INSR: variants seen among roughly 807,000 people sequenced by gnomAD.
INSR encodes IR.
In INSR, 67 loss-of-function variants were observed where a neutral mutation model predicts 142.6. The ratio of observed to expected loss-of-function variants is 0.47; its 90% CI spans 0.39 to 0.58. The LOEUF (loss-of-function observed/expected upper bound fraction) is 0.58, where lower values mean the gene tolerates loss of function less well. Among genes scored for constraint, INSR ranks in the 20% least tolerant of loss-of-function variants. INSR has a pLI of 0.00. For synonymous variants in INSR, 756 were observed against 743.1 expected (o/e 1.02, Z -0.28); for missense variants, 1,248 against 1,833.2 (o/e 0.68, Z 5.83).
intron 2 of INSR, among the ~76,000 whole-genome samples, chr19:7,226,351 A>T (rs1267702960): frequency 7.1e-6 from 1 of 141,190 alleles, no homozygotes; most frequent in Non-Finnish European, 1.5e-5. Context: ...TGGAGGTTGC[A>T]GTGAGCCAAG....
intron 7 of INSR, among the ~76,000 whole-genome samples, chr19:7,167,045 T>G (rs1973904948): frequency 6.6e-6 from 1 of 152,218 alleles, no homozygotes; most frequent in Non-Finnish European, 1.5e-5. Context: ...GTTCAGCATC[T>G]CTAATCTAAA....
At chr19:7,220,329 C>T (rs112602120) in intron 2 of INSR, among the ~76,000 whole-genome samples, 2,810 of 152,248 alleles carry the variant, frequency 0.018, 84 homozygotes, top group African/African-American at 0.064. Context: ...CTCGCTCTGT[C>T]GCCCAGCCTG....
At chr19:7,223,383 T>A (rs990049204) in intron 2 of INSR, among the ~76,000 whole-genome samples, 26 of 152,310 alleles carry the variant, frequency 1.7e-4, no homozygotes, top group Middle Eastern at 3.4e-3. Flanking sequence ...AGAAATGAGT[T>A]AAAGAAAATT....
chr19:7,132,070 C>G (rs2860175), intron 14 of INSR, 88 bp downstream of exon 14: 3 of 1,525,044 alleles, frequency 2.0e-6, no homozygotes, highest in Non-Finnish European at 2.7e-6. Flanking sequence ...CCAGCACCTG[C>G]GGCCTCTCCA....
chr19:7,149,310 C>G (rs560158116), intron 11 of INSR, among the ~76,000 whole-genome samples: 1 of 152,118 alleles, frequency 6.6e-6, no homozygotes, highest in Non-Finnish European at 1.5e-5. Flanking sequence ...GAGGGCAGAT[C>G]AGGCCACACA....
chr19:7,223,148 A>T (rs924150915), intron 2 of INSR, among the ~76,000 whole-genome samples: 3 of 152,144 alleles, frequency 2.0e-5, no homozygotes, highest in Admixed American at 6.6e-5. Context: ...GCGCCACTGC[A>T]CTCCAGCGTG....
intron 3 of INSR, among the ~76,000 whole-genome samples, chr19:7,175,577 G>A (rs1369655924): frequency 1.3e-5 from 2 of 152,168 alleles, no homozygotes; most frequent in South Asian, 2.1e-4. Context: ...GCTCACGCCT[G>A]TAATCCCAGC....
At chr19:7,189,564 G>A (rs1257181235) in intron 2 of INSR, among the ~76,000 whole-genome samples, 2 of 152,192 alleles carry the variant, frequency 1.3e-5, no homozygotes, top group African/African-American at 4.8e-5. Context: ...GAAGAGGCAT[G>A]GCTAGGTCCA....
intron 11 of INSR, among the ~76,000 whole-genome samples, chr19:7,146,617 C>T (rs956351635): frequency 2.6e-5 from 4 of 152,082 alleles, no homozygotes; most frequent in African/African-American, 4.8e-5. Context: ...GATTTCTGTG[C>T]CCTAAAATAG....
In INSR at chr19:7,282,962, G is replaced by A. The variant is rs1049233283; in HGVS notation, c.100+10830C>T. On this transcript the variant is annotated intron_variant, in intron 1 of 21. Coordinates refer to ENST00000302850, the MANE Select transcript of INSR (RefSeq NM_000208.4). Reference sequence around the variant, plus strand: ...CACTCCAGCCTGGGCGACAGAGTGAGACTCCGCCTCAAAAAAAGTAATAAT... The same window carrying A: ...CACTCCAGCCTGGGCGACAGAGTGAAACTCCGCCTCAAAAAAAGTAATAAT... Among the ~76,000 whole-genome samples, 16 of 141,086 alleles carry A rather than the reference G, an allele frequency of 1.1e-4. No homozygotes were observed. In the East Asian group the frequency reaches 3.3e-3, roughly 29 times the overall value. 92.6% of individuals were successfully genotyped at this position (141,086 alleles called of 152,430 possible).
At chr19:7,170,122 C>T (rs1568461640) in intron 6 of INSR, among the ~76,000 whole-genome samples, 1 of 152,134 alleles carries the variant, frequency 6.6e-6, no homozygotes, top group African/African-American at 2.4e-5. Flanking sequence ...TTTACAGTCA[C>T]TCCCCATCGC....
chr19:7,194,824 A>G (rs1974702456), intron 2 of INSR, among the ~76,000 whole-genome samples: 1 of 151,362 alleles, frequency 6.6e-6, no homozygotes, highest in African/African-American at 2.4e-5. Context: ...TTGCTCTTTT[A>G]TGGACTATTC....
intron 2 of INSR, among the ~76,000 whole-genome samples, chr19:7,263,134 C>T (rs1350780654): frequency 9.9e-5 from 15 of 151,942 alleles, no homozygotes; most frequent in Admixed American, 2.6e-4. Flanking sequence ...AAAACTTAGC[C>T]GGGCATGGTG....
chr19:7,227,375 C>T (rs899421800), intron 2 of INSR, among the ~76,000 whole-genome samples: 6 of 151,864 alleles, frequency 4.0e-5, no homozygotes, highest in African/African-American at 1.2e-4. Context: ...TGAGCTCAAG[C>T]AATCCTCTCA....
chr19:7,214,478 C>T (rs1163171598), intron 2 of INSR, among the ~76,000 whole-genome samples: 1 of 152,196 alleles, frequency 6.6e-6, no homozygotes, highest in Non-Finnish European at 1.5e-5. Context: ...TCTCTCTAAC[C>T]TGGCCTGAGG....
At position 7,119,774 on chromosome 19, in the gene INSR, ATGCG is replaced by A. The variant is rs1471882103; in HGVS notation, c.3660-195_3660-192del. Among the ~76,000 whole-genome samples the A allele has an allele frequency of 2.0e-5, 3 of 151,422 alleles. No homozygotes were observed. The highest frequency in any genetic ancestry group is 2.1e-4 in the South Asian group (1 of 4,790). ...CACATGCAAATACACACAAACACGC[ATGCG>A]CACACATGCACACACAAATATGCAA... On this transcript the variant is annotated intron_variant, in intron 20 of 21. Coordinates refer to ENST00000302850, the MANE Select transcript of INSR (RefSeq NM_000208.4). This position sits in a 1 kb window ranked among gnomAD's most constrained non-coding sequence, Gnocchi z 5.2.
At chr19:7,252,591 C>A (rs1381780805) in intron 2 of INSR, among the ~76,000 whole-genome samples, 1 of 152,178 alleles carries the variant, frequency 6.6e-6, no homozygotes, top group Non-Finnish European at 1.5e-5. Context: ...CAACGCCGTG[C>A]TTCGCACACC....
chr19:7,135,954 A>G (rs1325531766), intron 13 of INSR, among the ~76,000 whole-genome samples: 1 of 144,236 alleles, frequency 6.9e-6, no homozygotes. Flanking sequence ...GGCTACAGAG[A>G]TAGACTCCAT....
rs34453877 is a variant in INSR at position 7,142,389 on chromosome 19, C to CAAAAAA, written c.2542+421_2542+426dup. Among the ~76,000 whole-genome samples, 174 of 42,146 alleles carry CAAAAAA rather than the reference C, an allele frequency of 4.1e-3. 2 individuals carry two copies. The highest frequency in any genetic ancestry group is 0.017 in the African/African-American group (166 of 9,852). The allele number at this position is 42,146 out of a possible 152,430, so 27.6% of individuals were successfully genotyped here. A position where few individuals can be genotyped will look rare whatever the true frequency, so the allele number is the denominator to read the frequency against. ...TGGGCGACAGAGCAAGACTTCATCT[C>CAAAAAA]AAAAAAAAAAAAAAAAAAAAAAAAG... On this transcript the variant is annotated intron_variant, in intron 12 of 21. Coordinates refer to ENST00000302850, the MANE Select transcript of INSR (RefSeq NM_000208.4).
Sources: gnomAD v4.1 joint callset for allele counts (sites outside exome capture counted in the v4.1 genomes callset) on GRCh38, gnomAD v4.1.1 for gene constraint, Gnocchi (gnomAD v3.1) non-coding constraint, MANE v1.5 for transcripts, NCBI Gene and HGNC (gene_info 2026-07-23, HGNC 2026-07-21) for gene names.